The following RFX3 variants were observed in gnomAD, a reference collection of about 807,000 sequenced individuals.
RFX3 encodes transcription factor RFX3.
A neutral mutation model predicts 98.6 loss-of-function variants in RFX3; 14 were observed. The ratio of observed to expected loss-of-function variants is 0.14; its 90% CI spans 0.09 to 0.22. The LOEUF (loss-of-function observed/expected upper bound fraction) is 0.22. Ranked by LOEUF, RFX3 falls within the 10% of genes least tolerant of loss-of-function variation. The pLI, the probability that RFX3 is intolerant of heterozygous loss-of-function variation, is 1.00. For missense variants in RFX3, 639 were observed against 926.9 expected (o/e 0.69, Z 4.03); for synonymous variants, 383 against 328.4 (o/e 1.17, Z -1.80).
intron 1 of RFX3, among the ~76,000 whole-genome samples, chr9:3,400,689 C>A (rs1194031705): frequency 1.3e-5 from 2 of 152,196 alleles, no homozygotes; most frequent in African/African-American, 4.8e-5. Flanking sequence ...TCAATCATAT[C>A]CCTTCCACAG....
chr9:3,393,379 A>C (rs1025746431), intron 2 of RFX3, among the ~76,000 whole-genome samples: 5 of 152,144 alleles, frequency 3.3e-5, no homozygotes, highest in African/African-American at 1.2e-4. Flanking sequence ...TGTAAATTCA[A>C]TAAAAAGAAA....
Position 3,381,326 on chromosome 9 carries a change from T to C in RFX3, c.117+14146A>G, listed in dbSNP as rs188488590. On this transcript the variant is annotated intron_variant, in intron 2 of 16. Coordinates refer to ENST00000617270, the MANE Select transcript of RFX3 (RefSeq NM_001282116.2). ...GTAATCGATGATCTTATCAGTCCCA[T>C]AAGAAAAAAATCAATAAAAAGATTA... is the stretch of plus-strand genomic sequence containing the variant. Among the ~76,000 whole-genome samples, 493 of 152,086 alleles carry C rather than the reference T, an allele frequency of 3.2e-3. 5 individuals carry two copies. Among genetic ancestry groups the C allele is most frequent in the African/African-American group, 0.011 (468 of 41,534 alleles).
chr9:3,383,181 A>G (rs1839371004), intron 2 of RFX3, among the ~76,000 whole-genome samples: 1 of 151,898 alleles, frequency 6.6e-6, no homozygotes, highest in African/African-American at 2.4e-5. Context: ...AAGGTTCTAT[A>G]TTTATTGATG....
chr9:3,490,329 C>A, intron 1 of RFX3: 1 of 983,974 alleles, frequency 1.0e-6, no homozygotes, highest in Non-Finnish European at 1.2e-6. Flanking sequence ...CATAAAATGC[C>A]AGAATGACCA....
rs1428317604 is a variant in RFX3 at position 3,491,257 on chromosome 9, T to C, written c.-9+34490A>G. Among the ~76,000 whole-genome samples the C allele has an allele frequency of 2.6e-5, 4 of 152,122 alleles. No individual in the cohort carries two copies. The East Asian group carries it at 7.7e-4, about 29-fold the overall frequency. ...CAAGGATCACTAAAACAATCACAGG[T>C]GTTTGCTGTGTATTTAGGTGATAAC... On this transcript the variant is annotated intron_variant, in intron 1 of 16. Transcript: ENST00000617270.
At chr9:3,394,442 G>C (rs1048570782) in intron 2 of RFX3, among the ~76,000 whole-genome samples, 1 of 152,180 alleles carries the variant, frequency 6.6e-6, no homozygotes, top group African/African-American at 2.4e-5. Flanking sequence ...CAGCCTGGGA[G>C]ACAGCGAGAC....
intron 2 of RFX3, among the ~76,000 whole-genome samples, chr9:3,362,167 G>C (rs1836537923): frequency 6.6e-6 from 1 of 152,126 alleles, no homozygotes; most frequent in South Asian, 2.1e-4. Flanking sequence ...AGAGCCAGGA[G>C]ATTCCCTGGA....
chr9:3,421,749 C>A (rs934253496), intron 1 of RFX3, among the ~76,000 whole-genome samples: 4 of 152,126 alleles, frequency 2.6e-5, no homozygotes, highest in Admixed American at 2.6e-4. Flanking sequence ...GGAAAGTAAG[C>A]CCTCATAGAC....
At chr9:3,396,974 T>C (rs528719891) in intron 1 of RFX3, among the ~76,000 whole-genome samples, 2 of 152,232 alleles carry the variant, frequency 1.3e-5, no homozygotes, top group African/African-American at 2.4e-5. Flanking sequence ...GTGTATGGTA[T>C]AATATGGTAC....
At chr9:3,244,089 C>T (rs1820314742) in intron 15 of RFX3, among the ~76,000 whole-genome samples, 1 of 151,762 alleles carries the variant, frequency 6.6e-6, no homozygotes, top group Non-Finnish European at 1.5e-5. Context: ...GCAACCTCCA[C>T]CTCCTGGGTT....
chr9:3,332,473 T>C (rs1357574033), intron 3 of RFX3, among the ~76,000 whole-genome samples: 1 of 152,198 alleles, frequency 6.6e-6, no homozygotes, highest in African/African-American at 2.4e-5. Context: ...GCATTTCAGA[T>C]TTTGGATTTT....
intron 15 of RFX3, among the ~76,000 whole-genome samples, chr9:3,236,939 A>G (rs1398387593): frequency 6.6e-6 from 1 of 152,214 alleles, no homozygotes; most frequent in African/African-American, 2.4e-5. Context: ...GAAGATTTTT[A>G]AGCTGTCACA....
intron 1 of RFX3, among the ~76,000 whole-genome samples, chr9:3,491,285 A>G (rs569071012): frequency 4.6e-5 from 7 of 152,280 alleles, no homozygotes; most frequent in African/African-American, 1.7e-4. Context: ...GTGATAACAA[A>G]CCAGATACAT....
intron 1 of RFX3, among the ~76,000 whole-genome samples, chr9:3,420,103 T>C (rs889883018): frequency 9.2e-5 from 14 of 152,202 alleles, no homozygotes; most frequent in Non-Finnish European, 1.9e-4. Flanking sequence ...TCCTCAGAAC[T>C]GCCTCCCAGC....
rs936441992 is a variant in RFX3 at position 3,410,304 on chromosome 9, T to C, written c.-8-14708A>G. Reference sequence around the variant, plus strand: ...TTTTTCTCTATCTACCAAAATACTTTACATAGAGTATCTTGGTGTTCCATG... The same window carrying C: ...TTTTTCTCTATCTACCAAAATACTTCACATAGAGTATCTTGGTGTTCCATG... On this transcript the variant is annotated intron_variant, in intron 1 of 16. Transcript: ENST00000617270. 3.3e-5 allele frequency among the ~76,000 whole-genome samples: 5 copies of C among 152,042 alleles called. 1 individual carries two copies. The South Asian group carries it at 1.0e-3, about 32-fold the overall frequency.
intron 4 of RFX3, among the ~76,000 whole-genome samples, chr9:3,328,705 T>C (rs573183995): frequency 1.2e-4 from 18 of 152,242 alleles, no homozygotes; most frequent in African/African-American, 3.6e-4. Context: ...CACTGAATGA[T>C]GAAAGTAGGA....
At chr9:3,339,874 A>G (rs956889456) in intron 3 of RFX3, among the ~76,000 whole-genome samples, 31 of 152,252 alleles carry the variant, frequency 2.0e-4, no homozygotes, top group Non-Finnish European at 4.3e-4. Context: ...GCTACCGATG[A>G]CTTTCTTCAC....
intron 15 of RFX3, among the ~76,000 whole-genome samples, chr9:3,233,545 A>C (rs1818755286): frequency 6.6e-6 from 1 of 152,230 alleles, no homozygotes; most frequent in African/African-American, 2.4e-5. Context: ...GTGGGGGCCA[A>C]GAAACAGAGA....
At chr9:3,359,350 G>T (rs1836148480) in intron 2 of RFX3, among the ~76,000 whole-genome samples, 2 of 152,022 alleles carry the variant, frequency 1.3e-5, no homozygotes, top group Admixed American at 6.6e-5. Flanking sequence ...TTTGTTATTT[G>T]TTTTGTTGTT....
Sources: allele counts gnomAD v4.1 joint callset (sites outside exome capture counted in the v4.1 genomes callset), GRCh38; gene constraint gnomAD v4.1.1; transcripts MANE v1.5; gene names NCBI Gene and HGNC (gene_info 2026-07-23, HGNC 2026-07-21).